NFIA: variants seen among roughly 807,000 people sequenced by gnomAD.
NFIA encodes nuclear factor I A.
A neutral mutation model predicts 62.8 loss-of-function variants in NFIA; 8 were observed. The observed-to-expected ratio is 0.13, with a 90% CI of 0.07 to 0.23. The LOEUF is 0.23. Ranked by LOEUF, NFIA falls within the 10% of genes least tolerant of loss-of-function variation. NFIA has a pLI of 1.00. For missense variants in NFIA, 410 were observed against 642.1 expected, an observed-to-expected ratio of 0.64 and a Z score of 3.91; for synonymous variants, 235 against 238.1, an observed-to-expected ratio of 0.99 and a Z score of 0.12.
At chr1:61,304,092 A>G (rs1570545993) in intron 3 of NFIA, among the ~76,000 whole-genome samples, 1 of 152,156 alleles carries the variant, frequency 6.6e-6, no homozygotes, top group African/African-American at 2.4e-5. Flanking sequence ...CCTGGCCAAC[A>G]TGATGAAACC....
At chr1:61,106,311 A>G (rs75715875) in intron 2 of NFIA, among the ~76,000 whole-genome samples, 398 of 151,974 alleles carry the variant, frequency 2.6e-3, no homozygotes, top group Non-Finnish European at 4.4e-3. Flanking sequence ...ATAAAATGAA[A>G]TATTAAAAGA....
chr1:61,440,494 A>G (rs1275470654), intron 10 of NFIA, among the ~76,000 whole-genome samples: 2 of 152,202 alleles, frequency 1.3e-5, no homozygotes, highest in Admixed American at 6.5e-5. Context: ...TATTTTATGG[A>G]TAACAGTGAT....
At chr1:61,342,709 A>T (rs1661992154) in intron 4 of NFIA, among the ~76,000 whole-genome samples, 1 of 152,206 alleles carries the variant, frequency 6.6e-6, no homozygotes, top group Admixed American at 6.5e-5. Flanking sequence ...GGCGATAATT[A>T]TTCTTCTATT....
intron 2 of NFIA, among the ~76,000 whole-genome samples, chr1:61,201,538 A>T (rs573887715): frequency 4.5e-4 from 69 of 152,078 alleles, no homozygotes; most frequent in African/African-American, 1.6e-3. Context: ...AAAAAGGAAA[A>T]AGGAAATAAG....
intron 7 of NFIA, among the ~76,000 whole-genome samples, chr1:61,396,999 C>T (rs1201588979): frequency 7.5e-6 from 1 of 132,744 alleles, no homozygotes. Flanking sequence ...GAGACTCTGT[C>T]TCCAAAAAAA....
chr1:61,302,166 G>C (rs1659528519), intron 3 of NFIA, among the ~76,000 whole-genome samples: 1 of 152,132 alleles, frequency 6.6e-6, no homozygotes, highest in African/African-American at 2.4e-5. Flanking sequence ...TGAAGTGTGG[G>C]CTAGGACCTG....
chr1:61,286,833 T>C (rs1386602690), intron 3 of NFIA, among the ~76,000 whole-genome samples: 1 of 152,174 alleles, frequency 6.6e-6, no homozygotes, highest in African/African-American at 2.4e-5. Context: ...TCTGATGTGT[T>C]GACATTTGAG....
intron 3 of NFIA, among the ~76,000 whole-genome samples, chr1:61,310,307 GA>G (rs1260467699): frequency 2.0e-5 from 3 of 152,236 alleles, no homozygotes; most frequent in African/African-American, 7.2e-5. Flanking sequence ...TCTTCCCAGT[GA>G]GAACTGCCAT....
chr1:61,206,710 A>G (rs1199410138), intron 2 of NFIA, among the ~76,000 whole-genome samples: 1 of 152,174 alleles, frequency 6.6e-6, no homozygotes, highest in Non-Finnish European at 1.5e-5. Flanking sequence ...ATAAATATAA[A>G]TTCATTGGAT....
chr1:61,162,575 C>T (rs1025679221), intron 2 of NFIA, among the ~76,000 whole-genome samples: 5 of 152,140 alleles, frequency 3.3e-5, no homozygotes, highest in African/African-American at 2.4e-5. Context: ...CAGGGTTCCA[C>T]GGGCACTATC....
chr1:61,079,604 A>G (rs1289348910), upstream of NFIA, among the ~76,000 whole-genome samples: 1 of 152,190 alleles, frequency 6.6e-6, no homozygotes, highest in East Asian at 1.9e-4. Flanking sequence ...TGGAGAGGTT[A>G]TTTCCAATAA....
intron 3 of NFIA, among the ~76,000 whole-genome samples, chr1:61,310,428 G>A (rs1660035379): frequency 6.6e-6 from 1 of 152,122 alleles, no homozygotes; most frequent in South Asian, 2.1e-4. Flanking sequence ...TGGGGTACTT[G>A]GACAAGTAGA....
intron 10 of NFIA, among the ~76,000 whole-genome samples, chr1:61,430,416 T>A (rs1667050411): frequency 6.6e-6 from 1 of 152,244 alleles, no homozygotes; most frequent in East Asian, 1.9e-4. Flanking sequence ...TCTGTATAAA[T>A]CCATCCAGAG....
intron 10 of NFIA, among the ~76,000 whole-genome samples, chr1:61,454,256 T>C (rs191138924): frequency 2.4e-4 from 37 of 152,360 alleles, no homozygotes; most frequent in African/African-American, 6.0e-4. Context: ...TCAAGGTATC[T>C]CTAGAGAAAA....
chr1:61,374,755 A>G (rs982036707), intron 6 of NFIA, among the ~76,000 whole-genome samples: 12 of 152,282 alleles, frequency 7.9e-5, no homozygotes, highest in African/African-American at 2.9e-4. Flanking sequence ...CTTTTAGCTC[A>G]TTTTCAATGG....
At chr1:61,243,290 G>A (rs1655453008) in intron 2 of NFIA, among the ~76,000 whole-genome samples, 1 of 152,132 alleles carries the variant, frequency 6.6e-6, no homozygotes, top group Non-Finnish European at 1.5e-5. Flanking sequence ...TGATATGCAA[G>A]GTGTGTAGCA....
chr1:61,155,704 G>C (rs1318800151), intron 2 of NFIA, among the ~76,000 whole-genome samples: 2 of 140,444 alleles, frequency 1.4e-5, no homozygotes, highest in African/African-American at 5.2e-5. Flanking sequence ...AAAATCTAGA[G>C]TTGAAATTTT....
At position 61,141,086 on chromosome 1, in the gene NFIA, G is replaced by T. The variant is rs145491086; in HGVS notation, c.559+52406G>T. On this transcript the variant is annotated intron_variant, in intron 2 of 10. Transcript: ENST00000403491. ...TCATATTATGTGACGGGCAGTTGAA[G>T]AAGGCATGTCTGTAAAATTGAAGAA... is the stretch of plus-strand genomic sequence containing the variant. Among the ~76,000 whole-genome samples the T allele has an allele frequency of 4.6e-3, 672 of 147,390 alleles. 11 individuals are homozygous for T. The highest frequency in any genetic ancestry group is 8.6e-3 in the Non-Finnish European group (578 of 67,464).
chr1:61,392,626 C>G (rs901968147), intron 7 of NFIA, among the ~76,000 whole-genome samples: 7 of 152,034 alleles, frequency 4.6e-5, no homozygotes, highest in African/African-American at 1.5e-4. Context: ...ATAATTTGTA[C>G]TGTGATAGAT....
Sources: allele counts gnomAD v4.1 joint callset (sites outside exome capture counted in the v4.1 genomes callset), GRCh38; gene constraint gnomAD v4.1.1; transcripts MANE v1.5; gene names NCBI Gene and HGNC (gene_info 2026-07-23, HGNC 2026-07-21).